NELL1: variants seen among roughly 807,000 people sequenced by gnomAD.
NELL1 encodes protein kinase C-binding protein NELL1.
A neutral mutation model predicts 107.4 loss-of-function variants in NELL1; 76 were observed. That is an observed-to-expected ratio of 0.71 (90% CI 0.59 to 0.86). The LOEUF is 0.86. NELL1 is among the 40% of genes least tolerant of loss of function. The probability of loss-of-function intolerance (pLI) is 0.00; values close to 1 mark genes in which losing one functional copy is unlikely to be tolerated. For synonymous variants in NELL1, 353 were observed against 341.2 expected (o/e 1.03, Z -0.38); for missense variants, 1,024 against 1,005.5 (o/e 1.02, Z -0.25).
At chr11:21,290,418 A>G (rs1849227432) in intron 14 of NELL1, among the ~76,000 whole-genome samples, 2 of 151,360 alleles carry the variant, frequency 1.3e-5, no homozygotes, top group African/African-American at 2.4e-5. Context: ...TAAATAAATA[A>G]ATAAATAAAT....
chr11:20,836,383 A>G (rs1248711500), intron 3 of NELL1, among the ~76,000 whole-genome samples: 1 of 152,108 alleles, frequency 6.6e-6, no homozygotes, highest in African/African-American at 2.4e-5. Context: ...TTTGGAAGAC[A>G]GTTTGGCAGT....
intron 15 of NELL1, among the ~76,000 whole-genome samples, chr11:21,439,688 T>A (rs1307412817): frequency 6.6e-6 from 1 of 152,188 alleles, no homozygotes; most frequent in African/African-American, 2.4e-5. Context: ...TCAATGAGCA[T>A]CCCAGCTTCA....
At chr11:21,057,293 A>G (rs1332212457) in intron 12 of NELL1, among the ~76,000 whole-genome samples, 3 of 152,088 alleles carry the variant, frequency 2.0e-5, no homozygotes, top group African/African-American at 4.8e-5. Context: ...CTATCGAATA[A>G]GACAAGATTA....
At chr11:21,163,858 A>T (rs1457388725) in intron 13 of NELL1, among the ~76,000 whole-genome samples, 1 of 151,834 alleles carries the variant, frequency 6.6e-6, no homozygotes, top group East Asian at 1.9e-4. Flanking sequence ...CCTGCTACCA[A>T]ATACCATCAC....
chr11:20,926,353 G>T (rs915024435), intron 7 of NELL1, among the ~76,000 whole-genome samples: 1 of 152,128 alleles, frequency 6.6e-6, no homozygotes, highest in African/African-American at 2.4e-5. Flanking sequence ...GGAACCTGGT[G>T]GTGCCAAGTG....
chr11:21,125,681 G>A (rs775456612), intron 13 of NELL1, among the ~76,000 whole-genome samples: 11 of 152,182 alleles, frequency 7.2e-5, no homozygotes, highest in South Asian at 2.1e-4. Context: ...TGGTGGAGAG[G>A]AAATGTTTTC....
intron 14 of NELL1, among the ~76,000 whole-genome samples, chr11:21,251,948 A>G (rs1364759016): frequency 2.6e-5 from 4 of 152,148 alleles, no homozygotes; most frequent in Non-Finnish European, 5.9e-5. Flanking sequence ...AACAAGATTA[A>G]TGTTCATGAA....
chr11:20,689,841 G>A (rs1312656284), intron 2 of NELL1, among the ~76,000 whole-genome samples: 1 of 151,348 alleles, frequency 6.6e-6, no homozygotes, highest in African/African-American at 2.4e-5. Flanking sequence ...TCTAGTTCTA[G>A]ATCCCTGAGG....
chr11:20,966,260 G>A (rs1452980774), intron 12 of NELL1, among the ~76,000 whole-genome samples: 5 of 152,138 alleles, frequency 3.3e-5, no homozygotes, highest in East Asian at 1.9e-4. Context: ...ACAGGTGAAA[G>A]GCAGAAGAGC....
chr11:21,430,411 C>CT lies in NELL1; in HGVS notation c.1645+59469dup, dbSNP rs559043522. On this transcript the variant is annotated intron_variant, in intron 15 of 19. Transcript: ENST00000357134. The stretch of plus-strand genomic sequence containing the variant: ...GGATCCTTTGAAATCTTATAAGCAT[C>CT]TTTTTTCTAGTTTATGTAAATTGGA... Among the ~76,000 whole-genome samples the CT allele has an allele frequency of 2.8e-3, 425 of 152,210 alleles. 2 individuals carry two copies. Among genetic ancestry groups the CT allele is most frequent in the African/African-American group, 9.7e-3 (403 of 41,550 alleles).
intron 3 of NELL1, among the ~76,000 whole-genome samples, chr11:20,796,164 C>T (rs753793373): frequency 5.3e-5 from 8 of 152,006 alleles, no homozygotes; most frequent in Non-Finnish European, 8.8e-5. Flanking sequence ...TGGGACCGTC[C>T]CACCATTTGA....
chr11:21,127,186 AC>A (rs1424415532), intron 13 of NELL1, among the ~76,000 whole-genome samples: 13 of 152,204 alleles, frequency 8.5e-5, no homozygotes, highest in Non-Finnish European at 1.5e-5. Context: ...GGAATTCGCA[AC>A]ACACAGAGAG....
chr11:21,453,716 T>G (rs1465255699), intron 15 of NELL1, among the ~76,000 whole-genome samples: 1 of 152,000 alleles, frequency 6.6e-6, no homozygotes, highest in Non-Finnish European at 1.5e-5. Context: ...TCTTTTTCCC[T>G]TTTTTCCCAC....
rs1199472852 is a variant in NELL1 at position 21,498,904 on chromosome 11, T to A, written c.1646-35470T>A. On this transcript the variant is annotated intron_variant, in intron 15 of 19. Transcript: ENST00000357134. ...CCCTAATTAGTAGAGAGGTTAAACA[T>A]CTTTTAATTTATTTATTGATCATTC... Among the ~76,000 whole-genome samples the A allele has an allele frequency of 2.6e-5, 4 of 152,066 alleles. No homozygotes were observed. The East Asian group carries it at 7.7e-4, about 29-fold the overall frequency.
intron 14 of NELL1, among the ~76,000 whole-genome samples, chr11:21,341,652 T>A (rs1447758823): frequency 1.3e-5 from 2 of 152,186 alleles, no homozygotes; most frequent in African/African-American, 4.8e-5. Flanking sequence ...ACCAAGCCAT[T>A]ACATCTATCA....
intron 2 of NELL1, among the ~76,000 whole-genome samples, chr11:20,709,216 T>C (rs1855051545): frequency 6.6e-6 from 1 of 152,156 alleles, no homozygotes; most frequent in African/African-American, 2.4e-5. Context: ...GATTTTTGTC[T>C]AAGGAGAGAG....
intron 2 of NELL1, among the ~76,000 whole-genome samples, chr11:20,755,326 A>G (rs1412771775): frequency 6.6e-6 from 1 of 152,160 alleles, no homozygotes; most frequent in Admixed American, 6.5e-5. Flanking sequence ...GCTGGAAGTA[A>G]TGAAGAGCTG....
chr11:20,700,129 A>G (rs1029407417), intron 2 of NELL1, among the ~76,000 whole-genome samples: 1 of 145,562 alleles, frequency 6.9e-6, no homozygotes, highest in East Asian at 1.9e-4. Context: ...TTTTAGAAAA[A>G]ACAAAAACAA....
chr11:21,309,290 A>ATATGTG (rs1554999599), intron 14 of NELL1, among the ~76,000 whole-genome samples: 1 of 123,738 alleles, frequency 8.1e-6, no homozygotes, highest in African/African-American at 3.5e-5. Context: ...GTATATATAT[A>ATATGTG]TATATATATG....
Sources: gnomAD v4.1 joint callset for allele counts (sites outside exome capture counted in the v4.1 genomes callset) on GRCh38, gnomAD v4.1.1 for gene constraint, MANE v1.5 for transcripts, NCBI Gene and HGNC (gene_info 2026-07-23, HGNC 2026-07-21) for gene names.